The following MCCC1 variants were observed in gnomAD, a reference collection of about 807,000 sequenced individuals.
MCCC1 encodes methylcrotonoyl-CoA carboxylase subunit alpha, mitochondrial.
Under a neutral mutation model 83.8 loss-of-function variants are expected in MCCC1, and 64 were observed. The ratio of observed to expected loss-of-function variants is 0.76; its 90% CI spans 0.62 to 0.94. MCCC1 has a LOEUF of 0.94. MCCC1 is among the 40% of genes least tolerant of loss of function. The probability of loss-of-function intolerance (pLI) is 0.00; values close to 1 mark genes in which losing one functional copy is unlikely to be tolerated. For missense variants in MCCC1, 807 were observed against 904.7 expected, an observed-to-expected ratio of 0.89 and a Z score of 1.39; for synonymous variants, 322 against 315.4, an observed-to-expected ratio of 1.02 and a Z score of -0.22.
At chr3:183,100,296 G>A (rs1286103103), upstream of MCCC1, among the ~76,000 whole-genome samples, 1 of 152,200 alleles carries the variant, frequency 6.6e-6, no homozygotes, top group Non-Finnish European at 1.5e-5. Context: ...TGAAATGGAT[G>A]ATGTTACAAG....
chr3:183,106,957 T>C (rs1719416456), intron 1 of MCCC1, among the ~76,000 whole-genome samples: 1 of 152,196 alleles, frequency 6.6e-6, no homozygotes, highest in Non-Finnish European at 1.5e-5. Flanking sequence ...ATGCCTTTTT[T>C]TTTACCTCTA....
chr3:183,095,100 G>A (rs893434988), intron 1 of MCCC1, among the ~76,000 whole-genome samples: 7 of 152,028 alleles, frequency 4.6e-5, no homozygotes, highest in Non-Finnish European at 1.0e-4. Flanking sequence ...TGGCTAACAC[G>A]GTGAAACCCT....
At position 183,083,552 on chromosome 3, in the gene MCCC1, A is replaced by G. The variant is rs144634783; in HGVS notation, c.369+3141T>C. Among the ~76,000 whole-genome samples, 702 of 152,340 alleles carry G rather than the reference A, an allele frequency of 4.6e-3. 3 individuals are homozygous for G. The highest frequency in any genetic ancestry group is 0.016 in the African/African-American group (669 of 41,576). ...TGAAAGTATGTTATTCTTTTCAAACATTCTTTGAAATATACTTCAAAATAA... is the reference window on the plus strand; with the variant it reads ...TGAAAGTATGTTATTCTTTTCAAACGTTCTTTGAAATATACTTCAAAATAA... On this transcript the variant is annotated intron_variant, in intron 4 of 18. Coordinates refer to ENST00000265594, the MANE Select transcript of MCCC1 (RefSeq NM_020166.5).
chr3:183,035,807 T>C (rs759391580), intron 13 of MCCC1, among the ~76,000 whole-genome samples: 2 of 152,136 alleles, frequency 1.3e-5, no homozygotes, highest in Non-Finnish European at 2.9e-5. Flanking sequence ...AGCTGAGATT[T>C]TGTATCAATT....
chr3:183,090,879 C>A (rs888728857), intron 3 of MCCC1: 1 of 420,702 alleles, frequency 2.4e-6, no homozygotes, highest in Non-Finnish European at 4.8e-6. Context: ...TGAGCCACTG[C>A]GCCCAGCCGG....
intron 12 of MCCC1, 119 bp downstream of exon 12, chr3:183,038,907 G>T: frequency 1.1e-6 from 1 of 897,622 alleles, no homozygotes; most frequent in Non-Finnish European, 1.8e-6. Flanking sequence ...TATTTTGTTT[G>T]GGCAATTGAT....
intron 1 of MCCC1, among the ~76,000 whole-genome samples, chr3:183,105,269 G>C (rs1719385653): frequency 6.6e-6 from 1 of 152,104 alleles, no homozygotes; most frequent in Admixed American, 6.5e-5. Flanking sequence ...GCTTGAACCT[G>C]GGAGGTAAAG....
chr3:183,098,380 T>G (rs1718897422), intron 1 of MCCC1: 1 of 152,276 alleles, frequency 6.6e-6, no homozygotes, highest in Admixed American at 6.5e-5. Flanking sequence ...TGTACCAGAT[T>G]GTGCTTAAAC....
rs1455740590 is a variant in MCCC1, at chr3:183,084,348, G to GTTAT, written c.369+2344_369+2345insATAA. On this transcript the variant is annotated intron_variant, in intron 4 of 18. Transcript: ENST00000265594. ...CATAAGATGAAGGTAATACTACCAT[G>GTTAT]GCATTTATGCTTAAATACATGATAA... 5.6e-4 allele frequency among the ~76,000 whole-genome samples: 85 copies of GTTAT among 152,200 alleles called. No homozygotes were observed. The East Asian group carries it at 0.015, about 26-fold the overall frequency.
At chr3:183,076,754 C>T (rs1717105562) in intron 4 of MCCC1, among the ~76,000 whole-genome samples, 1 of 152,072 alleles carries the variant, frequency 6.6e-6, no homozygotes, top group Admixed American at 6.6e-5. Context: ...ATTCATATAC[C>T]ATAAACTCGG....
chr3:183,077,694 A>G (rs1717180269), intron 4 of MCCC1, among the ~76,000 whole-genome samples: 1 of 152,160 alleles, frequency 6.6e-6, no homozygotes, highest in African/African-American at 2.4e-5. Flanking sequence ...AAGGTCTCAA[A>G]GATTTTCTCC....
At chr3:183,100,696 A>G (rs1225886566), upstream of MCCC1, among the ~76,000 whole-genome samples, 1 of 152,192 alleles carries the variant, frequency 6.6e-6, no homozygotes, top group African/African-American at 2.4e-5. Flanking sequence ...GCTGTGGCTC[A>G]TGTCTTGTAA....
intron 8 of MCCC1, 46 bp downstream of exon 8, chr3:183,057,265 A>G: frequency 7.3e-7 from 1 of 1,377,406 alleles, no homozygotes; most frequent in South Asian, 1.2e-5. Context: ...TCAGAGTAAG[A>G]TTCACATTAC....
chr3:183,016,031 C>A (rs1256993696), intron 18 of MCCC1, among the ~76,000 whole-genome samples: 1 of 151,116 alleles, frequency 6.6e-6, no homozygotes, highest in Non-Finnish European at 1.5e-5. Context: ...CGGGTTCAAG[C>A]GGTTCTCCCA....
At chr3:183,109,074 C>T (rs186636502) in intron 1 of MCCC1, among the ~76,000 whole-genome samples, 157 of 152,218 alleles carry the variant, frequency 1.0e-3, no homozygotes, top group Admixed American at 1.8e-3. Context: ...TCACTACAAC[C>T]TCCGCCTCCT....
chr3:183,086,845 C>G, intron 3 of MCCC1, 57 bp from the exon 4 acceptor site: 1 of 1,422,526 alleles, frequency 7.0e-7, no homozygotes, highest in Non-Finnish European at 9.8e-7. Flanking sequence ...TACTCATACA[C>G]TATACAGAAC....
chr3:183,086,304 C>A (rs1406294229), intron 4 of MCCC1, among the ~76,000 whole-genome samples: 1 of 152,168 alleles, frequency 6.6e-6, no homozygotes, highest in East Asian at 1.9e-4. Flanking sequence ...CTACGTGGCC[C>A]TAGAATGAGA....
At chr3:183,097,129 C>T (rs1057020984) in intron 1 of MCCC1, among the ~76,000 whole-genome samples, 3 of 152,160 alleles carry the variant, frequency 2.0e-5, no homozygotes, top group Non-Finnish European at 4.4e-5. Flanking sequence ...TAAGCTGCAA[C>T]TTAAAAGCAA....
chr3:183,092,513 T>C lies in MCCC1; in HGVS notation c.169A>G (p.Arg57Gly), dbSNP rs1718439233. 1 of 1,614,232 alleles carries C rather than the reference T, an allele frequency of 6.2e-7. No homozygotes were observed. The highest frequency in any genetic ancestry group is 8.5e-7 in the Non-Finnish European group (1 of 1,180,036). Residue 57 changes from arginine to glycine, a missense_variant, in exon 3 of 19, where the codon AGA becomes GGA. Coordinates refer to ENST00000265594, the MANE Select transcript of MCCC1 (RefSeq NM_020166.5). ...ATCACCCTGCAGGCAATTTCTCCTC[T>C]GTTTGCAATGAGGACCTTGGTAATG... Reference protein sequence around the residue: ...RNITKVLIANRGEIACRVMRT... With the variant: ...RNITKVLIANGGEIACRVMRT...
Sources: allele counts gnomAD v4.1 joint callset (sites outside exome capture counted in the v4.1 genomes callset), GRCh38; gene constraint gnomAD v4.1.1; transcripts MANE v1.5; gene names NCBI Gene and HGNC (gene_info 2026-07-23, HGNC 2026-07-21).